The following CAP2 variants were observed in gnomAD, a reference collection of about 807,000 sequenced individuals.
CAP2 encodes cyclase associated actin cytoskeleton regulatory protein 2.
Under a neutral mutation model 57.7 loss-of-function variants are expected in CAP2, and 24 were observed. The observed-to-expected ratio is 0.42, with a 90% CI of 0.30 to 0.58. The LOEUF (loss-of-function observed/expected upper bound fraction) is 0.58, where lower values mean the gene tolerates loss of function less well. Among genes scored for constraint, CAP2 ranks in the 20% least tolerant of loss-of-function variants. CAP2 has a pLI of 0.22. For missense variants in CAP2, 501 were observed against 590.3 expected, an observed-to-expected ratio of 0.85 and a Z score of 1.57; for synonymous variants, 194 against 207.2, an observed-to-expected ratio of 0.94 and a Z score of 0.55.
intron 8 of CAP2, 152 bp from the exon 9 acceptor site, chr6:17,540,821 C>T: frequency 1.5e-6 from 1 of 673,306 alleles, no homozygotes; most frequent in Non-Finnish European, 2.6e-6. Context: ...GGACTCAGCT[C>T]CTGCATCCTG....
At position 17,479,905 on chromosome 6, in the gene CAP2, G is replaced by A. The variant is rs554486446; in HGVS notation, c.300+16832G>A. ...GCTGGGATTACAGGTGTGAGCCACC[G>A]CGCCCAGCTTAATTTTTTTAATATA... On this transcript the variant is annotated intron_variant, in intron 4 of 12. Transcript: ENST00000229922. 1.4e-4 allele frequency among the ~76,000 whole-genome samples: 21 copies of A among 152,044 alleles called. 1 individual carries two copies. The highest frequency in any genetic ancestry group is 4.6e-4 in the African/African-American group (19 of 41,478).
Position 17,436,755 on chromosome 6 carries a change from A to G in CAP2, c.222+10065A>G, listed in dbSNP as rs1215690717. ...GGAGCCAAGGAGCCTGTGGATGCTG[A>G]TGCCATCTATGTCAGGGGTCCCCAT... On this transcript the variant is annotated intron_variant, in intron 3 of 12. Transcript: ENST00000229922. 2.0e-5 allele frequency among the ~76,000 whole-genome samples: 3 copies of G among 152,044 alleles called. No individual in the cohort carries two copies. The East Asian group carries it at 5.8e-4, about 29-fold the overall frequency.
chr6:17,505,559 G>A (rs1761959013), intron 4 of CAP2, among the ~76,000 whole-genome samples: 1 of 152,184 alleles, frequency 6.6e-6, no homozygotes. Flanking sequence ...ATGTAGCCAA[G>A]GCTGGGAACC....
In CAP2 at chr6:17,430,196, C is replaced by CA. The variant is rs557431063; in HGVS notation, c.222+3512dup. Among the ~76,000 whole-genome samples the CA allele has an allele frequency of 1.1e-3, 160 of 151,864 alleles. 1 individual carries two copies. Among genetic ancestry groups the CA allele is most frequent in the African/African-American group, 3.6e-3 (151 of 41,462 alleles). ...AATAGCCTATTGACAGAACAGACCA[C>CA]AAAAAAGGGGATCTAATAGCTACAA... On this transcript the variant is annotated intron_variant, in intron 3 of 12. Coordinates refer to ENST00000229922, the MANE Select transcript of CAP2 (RefSeq NM_006366.3).
intron 3 of CAP2, among the ~76,000 whole-genome samples, chr6:17,443,599 G>A (rs367812463): frequency 5.8e-5 from 6 of 103,410 alleles, no homozygotes; most frequent in Admixed American, 1.8e-4. Context: ...ACACACGTGC[G>A]CACGTGCACT....
chr6:17,411,129 C>T (rs562591794), intron 1 of CAP2, among the ~76,000 whole-genome samples: 1 of 152,212 alleles, frequency 6.6e-6, no homozygotes, highest in East Asian at 1.9e-4. Context: ...ATCAGTATTT[C>T]ACTCTTTTTT....
chr6:17,459,022 C>T (rs752846946), intron 3 of CAP2, among the ~76,000 whole-genome samples: 18 of 152,050 alleles, frequency 1.2e-4, no homozygotes, highest in South Asian at 2.1e-4. Context: ...GTCCCCAAAA[C>T]GCCTTAAAGA....
At chr6:17,410,698 C>T (rs1354566217) in intron 1 of CAP2, among the ~76,000 whole-genome samples, 1 of 152,034 alleles carries the variant, frequency 6.6e-6, no homozygotes, top group Non-Finnish European at 1.5e-5. Context: ...GCTGGGACTA[C>T]AGGTGACCGC....
chr6:17,532,764 A>AC (rs1561818513), intron 7 of CAP2, among the ~76,000 whole-genome samples: 173 of 121,226 alleles, frequency 1.4e-3, no homozygotes, highest in Admixed American at 3.8e-3. Context: ...CACACACACA[A>AC]AAAAAACTGG....
intron 1 of CAP2, among the ~76,000 whole-genome samples, chr6:17,409,883 ATCT>A (rs1759092923): frequency 1.3e-5 from 2 of 151,942 alleles, no homozygotes; most frequent in South Asian, 4.2e-4. Flanking sequence ...CTTCCCTTAG[ATCT>A]TCTTCAACCC....
chr6:17,404,274 C>T (rs575224555), intron 1 of CAP2, among the ~76,000 whole-genome samples: 1 of 152,190 alleles, frequency 6.6e-6, no homozygotes, highest in South Asian at 2.1e-4. Context: ...CGTTCGAGAC[C>T]AGCCTGGCCA....
At chr6:17,431,581 A>G (rs1222743468) in intron 3 of CAP2, among the ~76,000 whole-genome samples, 1 of 152,182 alleles carries the variant, frequency 6.6e-6, no homozygotes, top group African/African-American at 2.4e-5. Flanking sequence ...TAAATCATCT[A>G]CAAAATAGCT....
intron 11 of CAP2, among the ~76,000 whole-genome samples, 168 bp downstream of exon 11, chr6:17,543,311 C>G (rs1179600261): frequency 6.6e-6 from 1 of 152,158 alleles, no homozygotes; most frequent in Non-Finnish European, 1.5e-5. Flanking sequence ...AGACCATCCA[C>G]TCTGCCTCCA....
chr6:17,432,752 T>TC (rs1759770907), intron 3 of CAP2, among the ~76,000 whole-genome samples: 1 of 151,964 alleles, frequency 6.6e-6, no homozygotes, highest in African/African-American at 2.4e-5. Context: ...TTTTCTTGCT[T>TC]CTTTCTTCCC....
intron 3 of CAP2, among the ~76,000 whole-genome samples, chr6:17,449,545 TA>T (rs112048597): frequency 0.023 from 3,480 of 152,126 alleles, 146 homozygotes; most frequent in African/African-American, 0.079. Flanking sequence ...TAGCTGGGAT[TA>T]CAGGTGCCCA....
chr6:17,555,604 C>T (rs935182229), intron 12 of CAP2, among the ~76,000 whole-genome samples: 1 of 151,492 alleles, frequency 6.6e-6, no homozygotes, highest in Non-Finnish European at 1.5e-5. Flanking sequence ...ACTTTTGTTG[C>T]CCAGGCTGGA....
At chr6:17,482,325 T>C (rs1180658798) in intron 4 of CAP2, among the ~76,000 whole-genome samples, 1 of 151,942 alleles carries the variant, frequency 6.6e-6, no homozygotes, top group Non-Finnish European at 1.5e-5. Flanking sequence ...CTGGCCAACA[T>C]GGTGAAACCC....
At chr6:17,460,347 TAACTC>T (rs1414397044) in intron 3 of CAP2, among the ~76,000 whole-genome samples, 3 of 152,102 alleles carry the variant, frequency 2.0e-5, no homozygotes, top group African/African-American at 7.2e-5. Flanking sequence ...AAAATAAAAT[TAACTC>T]AGAAACGGAG....
intron 6 of CAP2, among the ~76,000 whole-genome samples, chr6:17,508,329 A>G (rs1477711442): frequency 6.6e-6 from 1 of 152,238 alleles, no homozygotes; most frequent in African/African-American, 2.4e-5. Flanking sequence ...CGACAGCACA[A>G]GTAATAGATC....
Sources: allele counts gnomAD v4.1 joint callset (sites outside exome capture counted in the v4.1 genomes callset), GRCh38; gene constraint gnomAD v4.1.1; transcripts MANE v1.5; gene names NCBI Gene and HGNC (gene_info 2026-07-23, HGNC 2026-07-21).